Variants in GPAT3 observed in about 807,000 individuals in gnomAD.
The protein encoded by GPAT3 is glycerol-3-phosphate acyltransferase 3.
Under a neutral mutation model 58.8 loss-of-function variants are expected in GPAT3, and 53 were observed. The observed-to-expected ratio is 0.90, with a 90% CI of 0.72 to 1.13. The LOEUF (loss-of-function observed/expected upper bound fraction) is 1.13, where lower values mean the gene tolerates loss of function less well. Among genes scored for constraint, GPAT3 ranks in the 50% most tolerant of loss-of-function variants. The pLI, the probability that GPAT3 is intolerant of heterozygous loss-of-function variation, is 0.00. For missense variants in GPAT3, 511 were observed against 527.6 expected, an observed-to-expected ratio of 0.97 and a Z score of 0.31; for synonymous variants, 197 against 187.4, an observed-to-expected ratio of 1.05 and a Z score of -0.42.
rs1726753880 is a variant in GPAT3 at position 83,594,845 on chromosome 4, G to C, written c.739G>C (p.Val247Leu). 1.2e-6 allele frequency: 2 copies of C among 1,613,456 alleles called. No individual in the cohort carries two copies. Among genetic ancestry groups the C allele is most frequent in the Non-Finnish European group, 1.7e-6 (2 of 1,179,596 alleles). ...TTTCCTTTTCTTATGCTACTTCTAG[G>C]TTGGCCAGGTTCATGGCGGCTTGAT... is the stretch of plus-strand genomic sequence containing the variant. ...ILTTDGCYAM[V>L]GQVHGGLMGI... Residue 247 changes from valine to leucine, a missense_variant and splice_region_variant, in exon 7 of 12, where the codon GTT (valine) becomes CTT (leucine). By Grantham distance (32) the Val-to-Leu change is conservative. Transcript: ENST00000264409.
At chr4:83,600,213 C>T (rs1219296665) in intron 11 of GPAT3, among the ~76,000 whole-genome samples, 1 of 152,126 alleles carries the variant, frequency 6.6e-6, no homozygotes, top group Non-Finnish European at 1.5e-5. Context: ...TAAGGGCTCT[C>T]CTCTTGTGTT....
chr4:83,598,680 AAGTCT>A lies in GPAT3; in HGVS notation c.1163_1167del (p.Lys388SerfsTer10). ...TGCAGTCCAGTTTGCTAACAGGGTT[AAGTCT>A]GCTATTGCTATACAAGGAGGCCTGA... On this transcript the variant is annotated frameshift_variant, in exon 11 of 12. Transcript: ENST00000264409. LOFTEE classifies it high-confidence loss of function. The A allele has an allele frequency of 6.4e-7, 1 of 1,553,548 alleles. No homozygotes were observed. Among genetic ancestry groups the A allele is most frequent in the South Asian group, 1.1e-5 (1 of 89,390 alleles).
chr4:83,596,650 T>C (rs931455888), intron 7 of GPAT3, among the ~76,000 whole-genome samples: 1 of 152,028 alleles, frequency 6.6e-6, no homozygotes, highest in South Asian at 2.1e-4. Flanking sequence ...AAAAAAGACT[T>C]ACTTTGAAAT....
At chr4:83,594,466 T>C (rs1037552657) in intron 6 of GPAT3, among the ~76,000 whole-genome samples, 1 of 152,218 alleles carries the variant, frequency 6.6e-6, no homozygotes, top group Non-Finnish European at 1.5e-5. Flanking sequence ...CACCAAGCAA[T>C]GTTTGAAAGT....
At chr4:83,592,747 T>C (rs1274119747) in intron 6 of GPAT3, among the ~76,000 whole-genome samples, 1 of 152,190 alleles carries the variant, frequency 6.6e-6, no homozygotes, top group Non-Finnish European at 1.5e-5. Flanking sequence ...TACCTGTTGG[T>C]AAGATTGTGC....
chr4:83,550,999 T>C (rs1724728829), intron 2 of GPAT3, among the ~76,000 whole-genome samples: 1 of 152,220 alleles, frequency 6.6e-6, no homozygotes, highest in African/African-American at 2.4e-5. Context: ...AAAAATTTAG[T>C]TCAATCACTT....
chr4:83,579,075 T>TTTCC (rs1560621384), intron 2 of GPAT3, among the ~76,000 whole-genome samples: 1 of 19,804 alleles, frequency 5.0e-5, no homozygotes, highest in South Asian at 2.2e-3. Context: ...TCTTTCTTTC[T>TTTCC]TTCTTCCCTT....
chr4:83,542,080 T>C (rs564207314), intron 1 of GPAT3, among the ~76,000 whole-genome samples: 1 of 152,326 alleles, frequency 6.6e-6, no homozygotes, highest in Non-Finnish European at 1.5e-5. Flanking sequence ...CGGAGGGACA[T>C]AATTCAGCCC....
chr4:83,563,960 T>C (rs925677260), intron 2 of GPAT3, among the ~76,000 whole-genome samples: 3 of 152,248 alleles, frequency 2.0e-5, no homozygotes, highest in African/African-American at 7.2e-5. Context: ...AATAGTTCAA[T>C]TTACCTGTGG....
At chr4:83,550,323 A>G (rs1724708276) in intron 2 of GPAT3, among the ~76,000 whole-genome samples, 5 of 152,024 alleles carry the variant, frequency 3.3e-5, no homozygotes, top group Admixed American at 2.0e-4. Context: ...ATGAGCCCCC[A>G]CACCCAGCTG....
At chr4:83,596,621 C>G (rs1021480444) in intron 7 of GPAT3, among the ~76,000 whole-genome samples, 2 of 151,782 alleles carry the variant, frequency 1.3e-5, no homozygotes, top group Non-Finnish European at 2.9e-5. Flanking sequence ...GACCCCATCC[C>G]CCACCCACCA....
intron 3 of GPAT3, 139 bp from the exon 4 acceptor site, chr4:83,587,116 C>A (rs991084469): frequency 2.7e-5 from 18 of 665,384 alleles, no homozygotes; most frequent in Middle Eastern, 2.7e-4. Flanking sequence ...ATAGATTTAC[C>A]CAGTTATTTT....
At chr4:83,540,278 T>C (rs1724249708) in intron 1 of GPAT3, among the ~76,000 whole-genome samples, 1 of 152,188 alleles carries the variant, frequency 6.6e-6, no homozygotes, top group African/African-American at 2.4e-5. Flanking sequence ...ACTTGGTTGA[T>C]AAGTATCTTT....
chr4:83,596,932 C>T lies in GPAT3; in HGVS notation c.910+19C>T. 1 of 1,595,724 alleles carries T rather than the reference C, an allele frequency of 6.3e-7. No individual in the cohort carries two copies. The highest frequency in any genetic ancestry group is 1.1e-5 in the South Asian group (1 of 88,272). On this transcript the variant is annotated intron_variant, in intron 8 of 11. Transcript: ENST00000264409. ...CCTGAAGGTAAGAATGGGCCTGCCTCCCGAGCTATAGTTGATAACAACAAA... is the reference window on the plus strand; with the variant it reads ...CCTGAAGGTAAGAATGGGCCTGCCTTCCGAGCTATAGTTGATAACAACAAA...
chr4:83,602,903 A>G (rs554999695), intron 11 of GPAT3, among the ~76,000 whole-genome samples: 1 of 152,354 alleles, frequency 6.6e-6, no homozygotes, highest in East Asian at 1.9e-4. Flanking sequence ...TTGTTTCATG[A>G]AAACCTCCCA....
At chr4:83,566,998 T>C (rs1438049285) in intron 2 of GPAT3, among the ~76,000 whole-genome samples, 2 of 152,216 alleles carry the variant, frequency 1.3e-5, no homozygotes, top group Non-Finnish European at 2.9e-5. Flanking sequence ...TAGAAGAATA[T>C]AAAATTAAGA....
chr4:83,602,123 G>A (rs576437607), intron 11 of GPAT3, among the ~76,000 whole-genome samples: 40 of 152,250 alleles, frequency 2.6e-4, no homozygotes, highest in East Asian at 5.8e-4. Context: ...GTGCAACTGG[G>A]TTCCTTTTCC....
chr4:83,539,805 C>T (rs572300248), intron 1 of GPAT3, among the ~76,000 whole-genome samples: 2 of 152,110 alleles, frequency 1.3e-5, no homozygotes, highest in Middle Eastern at 3.2e-3. Flanking sequence ...TTGTTGGATA[C>T]GTATGTTAAT....
intron 2 of GPAT3, among the ~76,000 whole-genome samples, chr4:83,570,501 C>T (rs1395364598): frequency 7.8e-6 from 1 of 128,022 alleles, no homozygotes; most frequent in African/African-American, 3.1e-5. Flanking sequence ...GAGACGGAGT[C>T]TTGCTCAGTC....
Sources: allele counts gnomAD v4.1 joint callset (sites outside exome capture counted in the v4.1 genomes callset), GRCh38; gene constraint gnomAD v4.1.1; transcripts MANE v1.5; gene names NCBI Gene and HGNC (gene_info 2026-07-23, HGNC 2026-07-21).